The following EIF4E variants were observed in gnomAD, a reference collection of about 807,000 sequenced individuals.
EIF4E encodes the protein eIF-4F 25 kDa subunit.
For missense variants in EIF4E, 113 were observed against 265.6 expected, an observed-to-expected ratio of 0.43 and a Z score of 3.99; for synonymous variants, 71 against 88.5, an observed-to-expected ratio of 0.80 and a Z score of 1.11.
rs1721332395 is a variant in EIF4E at position 98,928,616 on chromosome 4, C to T, written c.18+479G>A. ...CGGTCTAAGGAAGACGTGCGCGCGC[C>T]CCGCACCCGAGCCCCGGAGCTGGGG... On this transcript the variant is annotated intron_variant, in intron 1 of 6. Transcript: ENST00000450253. 2.6e-5 allele frequency among the ~76,000 whole-genome samples: 4 copies of T among 152,132 alleles called. No homozygotes were observed. In the South Asian group the frequency reaches 8.3e-4, roughly 32 times the overall value.
intron 2 of EIF4E, among the ~76,000 whole-genome samples, chr4:98,892,205 G>A (rs1003539327): frequency 6.6e-6 from 1 of 151,248 alleles, no homozygotes; most frequent in Non-Finnish European, 1.5e-5. Context: ...AACTAGCCAG[G>A]CATGGTGGTG....
At chr4:98,915,236 G>A (rs541396907) in intron 1 of EIF4E, among the ~76,000 whole-genome samples, 1 of 151,700 alleles carries the variant, frequency 6.6e-6, no homozygotes, top group South Asian at 2.1e-4. Flanking sequence ...TCAGGCATGA[G>A]CTACGCACAC....
intron 1 of EIF4E, among the ~76,000 whole-genome samples, chr4:98,920,451 C>A (rs779384262): frequency 1.3e-5 from 2 of 152,034 alleles, no homozygotes; most frequent in Non-Finnish European, 2.9e-5. Context: ...CCCATGAACA[C>A]GCTCGGCTAA....
chr4:98,909,395 A>G (rs1174134141), intron 1 of EIF4E: 2 of 389,024 alleles, frequency 5.1e-6, no homozygotes, highest in Non-Finnish European at 9.1e-6. Context: ...TCATTTGACA[A>G]ATTAAATCAG....
intron 6 of EIF4E, among the ~76,000 whole-genome samples, chr4:98,883,943 G>A (rs1311574830): frequency 1.3e-5 from 2 of 150,796 alleles, no homozygotes; most frequent in Admixed American, 1.3e-4. Context: ...GGTGGCTGAG[G>A]TAGGAGTATC....
chr4:98,900,520 G>A (rs992707056), intron 2 of EIF4E, among the ~76,000 whole-genome samples: 2 of 151,540 alleles, frequency 1.3e-5, no homozygotes, highest in African/African-American at 4.9e-5. Flanking sequence ...ATAGACTTGT[G>A]GACTCTTTTA....
At chr4:98,911,661 CAAAAAAAAAAAA>C (rs767631331) in intron 1 of EIF4E, among the ~76,000 whole-genome samples, 5 of 60,042 alleles carry the variant, frequency 8.3e-5, no homozygotes, top group Admixed American at 2.6e-4. Flanking sequence ...AACTCTGTCT[CAAAAAAAAAAAA>C]AAAAAAAAAA....
Position 98,891,228 on chromosome 4 carries a change from G to A in EIF4E, c.221+9C>T. 1 of 1,613,574 alleles carries A rather than the reference G, an allele frequency of 6.2e-7. No homozygotes were observed. The highest frequency in any genetic ancestry group is 8.5e-7 in the Non-Finnish European group (1 of 1,179,642). On this transcript the variant is annotated intron_variant, in intron 3 of 6. Transcript: ENST00000450253. ...AACAACAAACATACTAAAACAAATG[G>A]TTACTTACGCCCAAAAGTCTTCAAC...
In EIF4E at chr4:98,896,505, A is replaced by AC. The variant is rs1724405005; in HGVS notation, c.126-5174_126-5173insG. On this transcript the variant is annotated intron_variant, in intron 2 of 6. Transcript: ENST00000450253. Reference sequence around the variant, plus strand: ...ATCTCTCAAAAAAAAAAAAAAAAAAAAAAAACACCTTAGCTAGCCATGGTG... The same window carrying AC: ...ATCTCTCAAAAAAAAAAAAAAAAAAACAAAAACACCTTAGCTAGCCATGGTG... Among the ~76,000 whole-genome samples the AC allele has an allele frequency of 4.7e-5, 7 of 148,880 alleles. No homozygotes were observed. The South Asian group carries it at 1.5e-3, about 32-fold the overall frequency.
At chr4:98,910,086 GTT>G (rs1725050925) in intron 1 of EIF4E, 1 of 235,314 alleles carries the variant, frequency 4.2e-6, no homozygotes, top group East Asian at 9.3e-5. Context: ...CTATTAAACT[GTT>G]TTGGTTTTTA....
intron 1 of EIF4E, chr4:98,925,977 T>G (rs1255452827): frequency 2.6e-5 from 4 of 151,710 alleles, no homozygotes; most frequent in African/African-American, 9.7e-5. Flanking sequence ...CCAGCCTGGG[T>G]AACCATCGCG....
intron 1 of EIF4E, among the ~76,000 whole-genome samples, chr4:98,922,850 CTTTTTTT>C (rs112293850): frequency 2.0e-4 from 27 of 136,702 alleles, no homozygotes; most frequent in Admixed American, 1.5e-3. Context: ...TTTCTTTTTT[CTTTTTTT>C]TTTTTTTTGA....
At chr4:98,893,106 C>T (rs1001480512) in intron 2 of EIF4E, among the ~76,000 whole-genome samples, 4 of 152,060 alleles carry the variant, frequency 2.6e-5, no homozygotes, top group African/African-American at 4.8e-5. Context: ...TACGTTTACA[C>T]TATACTGTAG....
chr4:98,900,995 T>TA (rs1376769915), intron 2 of EIF4E, among the ~76,000 whole-genome samples: 1 of 152,210 alleles, frequency 6.6e-6, no homozygotes, highest in African/African-American at 2.4e-5. Flanking sequence ...CAAACTGCCC[T>TA]AATCTCTTTT....
At chr4:98,917,687 G>C (rs1228519729) in intron 1 of EIF4E, among the ~76,000 whole-genome samples, 1 of 152,094 alleles carries the variant, frequency 6.6e-6, no homozygotes, top group Non-Finnish European at 1.5e-5. Context: ...ATGGAGGAGG[G>C]GCCAAAGATA....
intron 1 of EIF4E, chr4:98,909,889 G>T: frequency 1.7e-6 from 1 of 594,628 alleles, no homozygotes; most frequent in Non-Finnish European, 3.0e-6. Context: ...CAGAGAGCCA[G>T]GGTAATCATG....
At chr4:98,915,178 T>C (rs1244507017) in intron 1 of EIF4E, among the ~76,000 whole-genome samples, 1 of 152,160 alleles carries the variant, frequency 6.6e-6, no homozygotes, top group African/African-American at 2.4e-5. Flanking sequence ...CTTGAACTCC[T>C]GGGCTTAAGC....
At chr4:98,925,256 C>T (rs1725820217) in intron 1 of EIF4E, among the ~76,000 whole-genome samples, 1 of 152,156 alleles carries the variant, frequency 6.6e-6, no homozygotes, top group Non-Finnish European at 1.5e-5. Context: ...TAAAATTATA[C>T]ACTTTCAGTT....
chr4:98,909,633 A>G (rs1426132922), intron 1 of EIF4E: 1 of 694,080 alleles, frequency 1.4e-6, no homozygotes, highest in African/African-American at 1.8e-5. Context: ...GCCAAAGAAC[A>G]GTATATGCAG....
Sources: allele counts gnomAD v4.1 joint callset (sites outside exome capture counted in the v4.1 genomes callset), GRCh38; gene constraint gnomAD v4.1.1; transcripts MANE v1.5; gene names NCBI Gene and HGNC (gene_info 2026-07-23, HGNC 2026-07-21).